CC2D2A: variants seen among roughly 807,000 people sequenced by gnomAD.
The protein encoded by CC2D2A is coiled-coil and C2 domain containing 2A.
CC2D2A carries 155 observed loss-of-function variants against 212.9 expected under a neutral mutation model. That is an observed-to-expected ratio of 0.73 (90% CI 0.64 to 0.83). CC2D2A has a LOEUF of 0.83. CC2D2A is among the 40% of genes least tolerant of loss of function. The pLI is 0.00. For synonymous variants in CC2D2A, 667 were observed against 686.5 expected (o/e 0.97, Z 0.44); for missense variants, 1,856 against 1,956.2 (o/e 0.95, Z 0.97).
chr4:15,583,106 A>G (rs1182154661), intron 30 of CC2D2A, among the ~76,000 whole-genome samples: 1 of 152,224 alleles, frequency 6.6e-6, no homozygotes, highest in Non-Finnish European at 1.5e-5. Flanking sequence ...TCATTTCAAC[A>G]GATGGTGAAA....
chr4:15,540,984 A>G lies in CC2D2A; in HGVS notation c.2151A>G (p.Ile717Met). The G allele has an allele frequency of 6.4e-7, 1 of 1,551,238 alleles. No individual in the cohort carries two copies. The highest frequency in any genetic ancestry group is 2.0e-5 in the Admixed American group (1 of 50,882). Reference sequence around the variant, plus strand: ...TTGGGCAGATTTTCAATTTGCAAATAGTCAACTGGCCGGAGAGTTTAACAC... The same window carrying G: ...TTGGGCAGATTTTCAATTTGCAAATGGTCAACTGGCCGGAGAGTTTAACAC... ...VHFGQIFNLQ[I>M]VNWPESLTLQ... Residue 717 changes from isoleucine (I) to methionine (M), a missense_variant, in exon 17 of 37, where the codon ATA becomes ATG. Ile to Met is a conservative substitution (Grantham distance 10, BLOSUM62 1). Around this residue, in one of 5 missense-constraint regions of CC2D2A, gnomAD observed 1,512 missense variants for 1,579.3 expected, o/e 0.96. Transcript: ENST00000424120.
At position 15,502,839 on chromosome 4, in the gene CC2D2A, A is replaced by C. The variant is rs1247636826; in HGVS notation, c.354A>C (p.Ala118=). The part of the protein sequence containing the change: ...LQAARSKAES[A]LLQEIPTPRP... The stretch of plus-strand genomic sequence containing the variant: ...CTTTTTAGTCCAAAGCAGAAAGTGC[A>C]TTGCTGCAGGAAATCCCCACTCCTC... The change falls in exon 6 of 37, where the codon GCA becomes GCC. Residue 118 remains alanine (A), a synonymous_variant. Coordinates refer to ENST00000424120, the MANE Select transcript of CC2D2A (RefSeq NM_001378615.1). The C allele has an allele frequency of 6.2e-7, 1 of 1,610,922 alleles. No individual in the cohort carries two copies. Among genetic ancestry groups the C allele is most frequent in the South Asian group, 1.1e-5 (1 of 90,098 alleles).
chr4:15,551,367 T>C (rs548430132), intron 18 of CC2D2A, among the ~76,000 whole-genome samples: 1 of 152,304 alleles, frequency 6.6e-6, no homozygotes, highest in African/African-American at 2.4e-5. Flanking sequence ...ACAGGGAGAT[T>C]TTTAATTAAT....
intron 4 of CC2D2A, among the ~76,000 whole-genome samples, chr4:15,491,827 A>G (rs1393041030): frequency 6.6e-6 from 1 of 152,228 alleles, no homozygotes; most frequent in Admixed American, 6.5e-5. Context: ...TCTCCAAGTC[A>G]GTGGCTTGTC....
intron 4 of CC2D2A, 59 bp downstream of exon 4, chr4:15,480,886 C>A: frequency 6.4e-7 from 1 of 1,573,778 alleles, no homozygotes; most frequent in Non-Finnish European, 8.6e-7. Flanking sequence ...GAGCTCAGCA[C>A]AGAGCAGTAT....
At position 15,573,966 on chromosome 4, in the gene CC2D2A, AG is replaced by A. The variant is rs1720282382; in HGVS notation, c.3595-182del. On this transcript the variant is annotated intron_variant, in intron 28 of 36. Coordinates refer to ENST00000424120, the MANE Select transcript of CC2D2A (RefSeq NM_001378615.1). ...TCTGCTAAACAATGAAAAGAAGGCA[AG>A]GAAGTACAGAGCCCTTTCTGGCGAG... Among the ~76,000 whole-genome samples the A allele has an allele frequency of 2.6e-5, 4 of 152,326 alleles. No individual in the cohort carries two copies. The South Asian group carries it at 6.2e-4, about 24-fold the overall frequency.
At chr4:15,472,401 G>A (rs879908617) in intron 1 of CC2D2A, among the ~76,000 whole-genome samples, 3 of 152,058 alleles carry the variant, frequency 2.0e-5, no homozygotes, top group Admixed American at 2.0e-4. Context: ...ATAAGATGAT[G>A]GCAAACTGCA....
At chr4:15,480,928 A>T in intron 4 of CC2D2A, 101 bp downstream of exon 4, 1 of 1,387,316 alleles carries the variant, frequency 7.2e-7, no homozygotes, top group South Asian at 1.5e-5. Flanking sequence ...TTTTTCATGC[A>T]TTGCCACTGC....
At chr4:15,470,834 G>T (rs1364070194) in intron 1 of CC2D2A, among the ~76,000 whole-genome samples, 3 of 151,506 alleles carry the variant, frequency 2.0e-5, no homozygotes, top group Non-Finnish European at 4.4e-5. Flanking sequence ...ACATAAATTA[G>T]ACTAGGTCAG....
chr4:15,589,618 A>C lies in CC2D2A; in HGVS notation c.4253A>C (p.Tyr1418Ser). The part of the protein sequence containing the change: ...LIWNPCSGHF[Y>S]GQFDTFCPLK... ...TGGAATCCCTGCAGTGGACATTTTT[A>C]TGGACAATTTGATACATTCTGTCCC... Residue 1418 changes from tyrosine to serine, a missense_variant, in exon 33 of 37, where the codon TAT becomes TCT. By Grantham distance (144) the Tyr-to-Ser change is moderately radical. Transcript: ENST00000424120. 1.2e-6 allele frequency: 2 copies of C among 1,612,476 alleles called. No individual in the cohort carries two copies. Among genetic ancestry groups the C allele is most frequent in the Non-Finnish European group, 1.7e-6 (2 of 1,178,964 alleles).
At chr4:15,582,182 A>G (rs1179047736) in intron 30 of CC2D2A, among the ~76,000 whole-genome samples, 1 of 152,188 alleles carries the variant, frequency 6.6e-6, no homozygotes, top group East Asian at 1.9e-4. Context: ...TATAATAGTT[A>G]AAATTAGAAA....
chr4:15,528,595 A>G (rs776878318), intron 12 of CC2D2A, 25 bp from the exon 13 acceptor site: 15 of 1,605,172 alleles, frequency 9.3e-6, no homozygotes, highest in Non-Finnish European at 1.1e-5. Context: ...TTGTAACCCA[A>G]AACTTGTATC....
intron 23 of CC2D2A, among the ~76,000 whole-genome samples, chr4:15,562,930 G>C (rs1021862486): frequency 6.6e-6 from 1 of 152,244 alleles, no homozygotes; most frequent in African/African-American, 2.4e-5. Context: ...GAGTAGCTGA[G>C]TCTCTGGGGG....
Position 15,528,726 on chromosome 4 carries a change from G to A in CC2D2A, c.1466G>A (p.Arg489Gln), listed in dbSNP as rs1300362447. 14 of 1,593,388 alleles carry A rather than the reference G, an allele frequency of 8.8e-6. No homozygotes were observed. The highest frequency in any genetic ancestry group is 1.7e-5 in the Admixed American group (1 of 58,358). The stretch of plus-strand genomic sequence containing the variant: ...ATCAATGAGTATAAATCTGAAATTC[G>A]GTGAGTAAAGTTTGTTAAGTGTAAC... ...KTINEYKSEI[R>Q]QTRKFRDAEQ... The change falls in exon 13 of 37, where the codon CGA (arginine) becomes CAA (glutamine). Residue 489 changes from arginine to glutamine, a missense_variant and splice_region_variant. Transcript: ENST00000424120.
At chr4:15,493,066 G>T in intron 4 of CC2D2A, 1 of 360,110 alleles carries the variant, frequency 2.8e-6, no homozygotes, top group Non-Finnish European at 5.4e-6. Flanking sequence ...TCAATTTTTG[G>T]GTTCCCCATT....
chr4:15,520,865 C>T (rs1717161531), intron 11 of CC2D2A, among the ~76,000 whole-genome samples: 1 of 152,178 alleles, frequency 6.6e-6, no homozygotes, highest in African/African-American at 2.4e-5. Flanking sequence ...TGCAGGTAAC[C>T]TGGACTAAGG....
chr4:15,557,528 G>A (rs1411788469), intron 21 of CC2D2A, 21 bp downstream of exon 21: 1 of 1,522,138 alleles, frequency 6.6e-7, no homozygotes, highest in South Asian at 1.2e-5. Flanking sequence ...GCCATAGAGG[G>A]GTTAATAAAA....
At position 15,586,154 on chromosome 4, in the gene CC2D2A, C is replaced by T. The variant is rs576298659; in HGVS notation, c.3976-3C>T. On this transcript the variant is annotated splice_polypyrimidine_tract_variant and splice_region_variant and intron_variant, in intron 30 of 36. Coordinates refer to ENST00000424120, the MANE Select transcript of CC2D2A (RefSeq NM_001378615.1). ...TTTTGTAAAGCTCATTTTGATTATA[C>T]AGGAACTGGTGGCTCGATATGTGTC... The T allele has an allele frequency of 1.9e-5, 31 of 1,606,676 alleles. No homozygotes were observed. Among genetic ancestry groups the T allele is most frequent in the African/African-American group, 2.7e-5 (2 of 74,790 alleles).
chr4:15,539,133 C>G (rs1304042718), intron 16 of CC2D2A, among the ~76,000 whole-genome samples: 1 of 152,052 alleles, frequency 6.6e-6, no homozygotes, highest in Non-Finnish European at 1.5e-5. Context: ...TAATTAAAGT[C>G]AACCAACTAA....
Sources: gnomAD v4.1 joint callset for allele counts (sites outside exome capture counted in the v4.1 genomes callset) on GRCh38, gnomAD v4.1.1 for gene constraint, gnomAD v4.1.1 regional missense constraint, MANE v1.5 for transcripts, NCBI Gene and HGNC (gene_info 2026-07-23, HGNC 2026-07-21) for gene names.